DST: variants seen among roughly 807,000 people sequenced by gnomAD.
The protein encoded by DST is bullous pemphigoid antigen.
In DST, 253 loss-of-function variants were observed where a neutral mutation model predicts 875.2. That is an observed-to-expected ratio of 0.29 (90% confidence interval 0.26 to 0.32). The LOEUF is 0.32. Ranked by LOEUF, DST falls within the 10% of genes least tolerant of loss-of-function variation. The pLI is 1.00. For missense variants in DST, 8,287 were observed against 9,111.6 expected (o/e 0.91, Z 3.68); for synonymous variants, 3,124 against 3,197.1 (o/e 0.98, Z 0.77).
chr6:56,716,992 T>C (rs1257864094), intron 5 of DST, among the ~76,000 whole-genome samples: 1 of 152,018 alleles, frequency 6.6e-6, no homozygotes, highest in Non-Finnish European at 1.5e-5. Flanking sequence ...CCATCCTGGC[T>C]AACACGGTGA....
At chr6:56,535,332 A>G (rs755929544) in intron 62 of DST, 40 bp from the exon 63 acceptor site, 3 of 1,540,510 alleles carry the variant, frequency 1.9e-6, no homozygotes, top group South Asian at 2.6e-5. Flanking sequence ...TATTTGTTTC[A>G]CAAAATAATG....
At chr6:56,555,899 G>T (rs1316888908) in intron 59 of DST, 59 bp from the exon 60 acceptor site, 2 of 1,382,544 alleles carry the variant, frequency 1.4e-6, no homozygotes, top group Admixed American at 3.1e-5. Flanking sequence ...AGAAAACACA[G>T]ATTTGGTGTC....
At chr6:56,632,148 C>A in intron 28 of DST, 108 bp from the exon 29 acceptor site, 1 of 737,714 alleles carries the variant, frequency 1.4e-6, no homozygotes, top group Admixed American at 2.6e-5. Context: ...GCTAGTCAAG[C>A]AAATGATTCC....
At chr6:56,556,818 C>G (rs2097428770) in intron 59 of DST, among the ~76,000 whole-genome samples, 1 of 152,142 alleles carries the variant, frequency 6.6e-6, no homozygotes, top group African/African-American at 2.4e-5. Context: ...CCCTGGGTTT[C>G]AGGGTTCCCT....
intron 3 of DST, among the ~76,000 whole-genome samples, chr6:56,853,199 T>A (rs1766148085): frequency 6.6e-6 from 1 of 152,184 alleles, no homozygotes; most frequent in Non-Finnish European, 1.5e-5. Context: ...CTTGGCTAAT[T>A]TATTTATTTA....
intron 7 of DST, among the ~76,000 whole-genome samples, chr6:56,702,585 G>A (rs558663233): frequency 2.0e-5 from 3 of 152,220 alleles, no homozygotes; most frequent in Non-Finnish European, 4.4e-5. Flanking sequence ...TGGACACTAC[G>A]ATAATTAGAA....
In DST at chr6:56,536,819, A is replaced by G. The variant is rs531059038; in HGVS notation, c.16730T>C (p.Leu5577Pro). The G allele has an allele frequency of 6.2e-7, 1 of 1,603,502 alleles. No homozygotes were observed. Among genetic ancestry groups the G allele is most frequent in the Non-Finnish European group, 8.5e-7 (1 of 1,174,850 alleles). The change falls in exon 62 of 104, where the codon CTG (leucine) becomes CCG (proline). Residue 5577 changes from leucine to proline, a missense_variant. Leu to Pro is a moderately conservative substitution (Grantham distance 98). Around this residue, in one of 10 missense-constraint regions of DST, gnomAD observed 777 missense variants for 764.8 expected, o/e 1.02. Transcript: ENST00000680361. ...STSTQGLEHDLDDVNARWKTL... is the reference protein window; with the variant it reads ...STSTQGLEHDPDDVNARWKTL... ...CTTCCACCGTGCATTGACATCATCC[A>G]GGTCATGCTCCAAGCCCTGAGTGCT...
chr6:56,542,309 C>A (rs62412509), intron 61 of DST, among the ~76,000 whole-genome samples: 3 of 150,012 alleles, frequency 2.0e-5, no homozygotes, highest in Admixed American at 6.7e-5. Context: ...TTCTTCAATG[C>A]TATTCAGAAC....
At chr6:56,597,466 C>A (rs1470217975) in intron 47 of DST, among the ~76,000 whole-genome samples, 1 of 152,072 alleles carries the variant, frequency 6.6e-6, no homozygotes, top group Non-Finnish European at 1.5e-5. Flanking sequence ...TAGAAGAGTG[C>A]CCACTTTAAC....
chr6:56,507,699 T>C (rs775539112), intron 75 of DST, among the ~76,000 whole-genome samples: 1 of 152,112 alleles, frequency 6.6e-6, no homozygotes, highest in Non-Finnish European at 1.5e-5. Context: ...TTCTAATCAG[T>C]AGCAGGGAGG....
rs1245357284 is a variant in DST, at chr6:56,603,343, A to G, written c.11019T>C (p.Ser3673=). Residue 3673 remains serine (S), a synonymous_variant, in exon 42 of 104, where the codon TCT becomes TCC. Transcript: ENST00000680361. ...GGCCTCTGGGAAAGTCACTGGGAAG[A>G]GACTTTAAAAACTCTTCTGCCAACT... The part of the protein sequence containing the change: ...DMKLAEEFLK[S]LPSDFPRGHV... The G allele has an allele frequency of 1.9e-6, 3 of 1,611,122 alleles. No individual in the cohort carries two copies. The highest frequency in any genetic ancestry group is 2.5e-6 in the Non-Finnish European group (3 of 1,179,072).
intron 61 of DST, among the ~76,000 whole-genome samples, chr6:56,551,281 T>C (rs911789565): frequency 2.0e-5 from 3 of 152,060 alleles, no homozygotes; most frequent in Non-Finnish European, 4.4e-5. Context: ...TTATAAACTG[T>C]TTTTATTTGG....
chr6:56,466,397 A>G (rs547435818), intron 98 of DST: 10 of 318,300 alleles, frequency 3.1e-5, no homozygotes, highest in Admixed American at 1.5e-4. Flanking sequence ...AAACAGTTTG[A>G]AAAAAAAAAG....
At chr6:56,841,272 T>C (rs2153073261) in intron 4 of DST, among the ~76,000 whole-genome samples, 1 of 152,332 alleles carries the variant, frequency 6.6e-6, no homozygotes, top group South Asian at 2.1e-4. Context: ...CACTGCCCAA[T>C]ACTCTTACTT....
chr6:56,893,354 T>C (rs1788569407), intron 3 of DST, among the ~76,000 whole-genome samples: 1 of 152,126 alleles, frequency 6.6e-6, no homozygotes, highest in Non-Finnish European at 1.5e-5. Flanking sequence ...TATGGCTGAG[T>C]AGTATTCCAT....
intron 5 of DST, among the ~76,000 whole-genome samples, chr6:56,720,784 CTCTT>C (rs1246588819): frequency 6.6e-6 from 1 of 152,196 alleles, no homozygotes; most frequent in African/African-American, 2.4e-5. Flanking sequence ...AATGTGATCT[CTCTT>C]TCTTTTCCCC....
chr6:56,526,412 G>A lies in DST; in HGVS notation c.18078C>T (p.Thr6026=), dbSNP rs765301829. 8.1e-6 allele frequency: 13 copies of A among 1,613,786 alleles called. No individual in the cohort carries two copies. The highest frequency in any genetic ancestry group is 3.3e-4 in the Middle Eastern group (2 of 6,058). The change falls in exon 69 of 104, where the codon ACC becomes ACT. Residue 6026 remains threonine, a synonymous_variant. Transcript: ENST00000680361. The part of the protein sequence containing the change: ...DNERYRLVSD[T]ITQKVEEIDA... ...CGATCTCCTCCACCTTCTGAGTGAT[G>A]GTGTCGCTCACTAATCGGTAGCGCT...
At chr6:56,646,394 C>T (rs2098942843) in intron 13 of DST, among the ~76,000 whole-genome samples, 1 of 152,058 alleles carries the variant, frequency 6.6e-6, no homozygotes, top group South Asian at 2.1e-4. Flanking sequence ...TTGATGTGAG[C>T]CATGATTTAG....
intron 78 of DST, among the ~76,000 whole-genome samples, chr6:56,503,697 T>C (rs1042945941): frequency 1.3e-5 from 2 of 151,754 alleles, no homozygotes; most frequent in African/African-American, 2.4e-5. Flanking sequence ...TCTCTAGGTA[T>C]ATAACATTTT....
Sources: allele counts gnomAD v4.1 joint callset (sites outside exome capture counted in the v4.1 genomes callset), GRCh38; gene constraint gnomAD v4.1.1; regional missense constraint gnomAD v4.1.1; transcripts MANE v1.5; gene names NCBI Gene and HGNC (gene_info 2026-07-23, HGNC 2026-07-21).